Variants in TTYH3 observed in about 807,000 individuals in gnomAD.
TTYH3 encodes the protein tweety family member 3.
In TTYH3, 23 loss-of-function variants were observed where a neutral mutation model predicts 68.2. That is an observed-to-expected ratio of 0.34 (90% CI 0.24 to 0.48). The LOEUF (loss-of-function observed/expected upper bound fraction) is 0.48, where lower values mean the gene tolerates loss of function less well. Among genes scored for constraint, TTYH3 ranks in the 20% least tolerant of loss-of-function variants. TTYH3 has a pLI of 0.99. For synonymous variants in TTYH3, 360 were observed against 332.8 expected, an observed-to-expected ratio of 1.08 and a Z score of -0.89; for missense variants, 768 against 727.7, an observed-to-expected ratio of 1.06 and a Z score of -0.64.
Position 2,647,023 on chromosome 7 carries a change from GT to G in TTYH3, c.293+2del, listed in dbSNP as rs1786006516. ...TCATCATCGCCACGCTGGTGTGCAG[GT>G]GAGCGCGGTGGGGCGGGGACGGAGG... On this transcript the variant is annotated splice_donor_variant, in intron 2 of 13. Transcript: ENST00000258796. LOFTEE classifies it high-confidence loss of function. 6.4e-7 allele frequency: 1 copy of G among 1,554,756 alleles called. No homozygotes were observed. The highest frequency in any genetic ancestry group is 8.7e-7 in the Non-Finnish European group (1 of 1,154,130).
At chr7:2,643,045 A>C (rs1260552287) in intron 1 of TTYH3, among the ~76,000 whole-genome samples, 1 of 146,888 alleles carries the variant, frequency 6.8e-6, no homozygotes, top group Non-Finnish European at 1.5e-5. Context: ...CTTGGGCATC[A>C]CCAGTGAAAT....
rs1225746261 is a variant in TTYH3, at chr7:2,653,022, CG to C, written c.1020+16del. ...AGCCGGCCACTAAGGTGAGGGGCTG[CG>C]GGGTAGGCACTGGGGCAGGCAGGGC... On this transcript the variant is annotated intron_variant, in intron 9 of 13. Transcript: ENST00000258796. 2.2e-5 allele frequency: 35 copies of C among 1,559,676 alleles called. No individual in the cohort carries two copies. The highest frequency in any genetic ancestry group is 2.9e-5 in the Non-Finnish European group (33 of 1,150,488).
rs780306371 is a variant in TTYH3 at position 2,647,545 on chromosome 7, T to C, written c.533T>C (p.Leu178Pro). 1.3e-6 allele frequency: 2 copies of C among 1,556,210 alleles called. No homozygotes were observed. Among genetic ancestry groups the C allele is most frequent in the South Asian group, 1.2e-5 (1 of 84,394 alleles). ...AGGCTGCAGGGCCTGCTGGAGACGC[T>C]GCTGGGCTACACGGCCGCCATCCCC... is the stretch of plus-strand genomic sequence containing the variant. ...VQRLQGLLETLLGYTAAIPFW... is the reference protein window; with the variant it reads ...VQRLQGLLETPLGYTAAIPFW... Residue 178 changes from leucine (L) to proline (P), a missense_variant, in exon 4 of 14, where the codon CTG becomes CCG. Transcript: ENST00000258796.
chr7:2,658,254 C>T (rs752048983), intron 11 of TTYH3, 32 bp from the exon 12 acceptor site: 3 of 1,503,130 alleles, frequency 2.0e-6, no homozygotes, highest in African/African-American at 1.4e-5. Context: ...CCTGCTGGGG[C>T]CTGAGCCCGT....
chr7:2,633,422 C>T (rs977477343), intron 1 of TTYH3, among the ~76,000 whole-genome samples: 2 of 152,150 alleles, frequency 1.3e-5, no homozygotes, highest in Non-Finnish European at 1.5e-5. Flanking sequence ...CCCAGCCTCG[C>T]GCTCACTTGC....
intron 13 of TTYH3, among the ~76,000 whole-genome samples, chr7:2,659,442 T>C (rs1012856729): frequency 6.6e-6 from 1 of 152,218 alleles, no homozygotes; most frequent in Admixed American, 6.5e-5. Context: ...CTTCTGGACC[T>C]GTGGGGTGCC....
chr7:2,662,815 C>G lies in TTYH3; in HGVS notation c.*1076C>G, dbSNP rs551872744. ...CCCAAGTCCGGGCTGGAGCCGAGGC[C>G]GGAGCAGCTGTCTGGGAGTCAAGGC... On this transcript the variant is annotated 3_prime_UTR_variant, in exon 14 of 14. Coordinates refer to ENST00000258796, the MANE Select transcript of TTYH3 (RefSeq NM_025250.3). The G allele has an allele frequency of 6.5e-6, 1 of 153,096 alleles. No homozygotes were observed. The highest frequency in any genetic ancestry group is 1.9e-4 in the East Asian group (1 of 5,252). The allele number at this position is 153,096 out of a possible 1,614,324, so 9.5% of individuals were successfully genotyped here. A position where few individuals can be genotyped will look rare whatever the true frequency, so the allele number is the denominator to read the frequency against.
chr7:2,636,230 T>G (rs1363296062), intron 1 of TTYH3, among the ~76,000 whole-genome samples: 1 of 152,216 alleles, frequency 6.6e-6, no homozygotes, highest in Non-Finnish European at 1.5e-5. Context: ...TGGCCTGTTA[T>G]CATCCTCCCC....
At chr7:2,656,591 A>G (rs1786343155) in intron 11 of TTYH3, 57 bp downstream of exon 11, 1 of 1,560,162 alleles carries the variant, frequency 6.4e-7, no homozygotes. Flanking sequence ...CATGCGGGAC[A>G]CTTCAGGGGC....
chr7:2,640,773 G>A (rs374869414), intron 1 of TTYH3, among the ~76,000 whole-genome samples: 30 of 117,552 alleles, frequency 2.6e-4, no homozygotes, highest in African/African-American at 6.4e-4. Context: ...GCTCGTGCAC[G>A]TCGTCTGCTC....
chr7:2,640,980 T>G (rs1275655854), intron 1 of TTYH3, among the ~76,000 whole-genome samples: 1 of 152,134 alleles, frequency 6.6e-6, no homozygotes, highest in East Asian at 1.9e-4. Context: ...TCTAATATCC[T>G]GGGGACATCC....
intron 11 of TTYH3, among the ~76,000 whole-genome samples, chr7:2,657,940 C>T: frequency 6.6e-6 from 1 of 152,304 alleles, no homozygotes; most frequent in East Asian, 1.9e-4. Context: ...CCAAGAGGCA[C>T]CCCAGCCTCC....
intron 13 of TTYH3, chr7:2,660,220 G>A (rs900281624): frequency 1.4e-4 from 138 of 985,314 alleles, no homozygotes; most frequent in Non-Finnish European, 1.7e-4. Context: ...CCGGCTCTGG[G>A]CCCGCCAGCC....
intron 5 of TTYH3, among the ~76,000 whole-genome samples, chr7:2,648,919 G>A (rs541951058): frequency 5.3e-4 from 79 of 150,012 alleles, no homozygotes; most frequent in African/African-American, 1.9e-3. Context: ...GTGGGGTGTG[G>A]GGCCCGCAGT....
At chr7:2,660,270 G>C in intron 13 of TTYH3, 1 of 985,356 alleles carries the variant, frequency 1.0e-6, no homozygotes, top group Non-Finnish European at 1.2e-6. Context: ...GGCTCCCCCT[G>C]CCCAGTTGCT....
chr7:2,656,981 G>A (rs1376265779), intron 11 of TTYH3, among the ~76,000 whole-genome samples: 1 of 152,246 alleles, frequency 6.6e-6, no homozygotes, highest in Non-Finnish European at 1.5e-5. Context: ...GGTAGTCCAG[G>A]TAGCTGTGGC....
chr7:2,655,274 T>C (rs527827606), intron 9 of TTYH3, among the ~76,000 whole-genome samples: 1 of 152,260 alleles, frequency 6.6e-6, no homozygotes, highest in South Asian at 2.1e-4. Flanking sequence ...GCCTCCTGAG[T>C]AGCTGGGACT....
At chr7:2,644,968 C>T (rs946280156) in intron 1 of TTYH3, among the ~76,000 whole-genome samples, 2 of 152,230 alleles carry the variant, frequency 1.3e-5, no homozygotes, top group Non-Finnish European at 2.9e-5. Flanking sequence ...ACCATCTGCC[C>T]CAGCAGCTCC....
intron 1 of TTYH3, among the ~76,000 whole-genome samples, chr7:2,646,067 T>C (rs1033247012): frequency 2.0e-5 from 3 of 151,330 alleles, no homozygotes; most frequent in Non-Finnish European, 4.4e-5. Context: ...CAGGCTGGAG[T>C]GCAGTGGTGC....
Sources: allele counts gnomAD v4.1 joint callset (sites outside exome capture counted in the v4.1 genomes callset), GRCh38; gene constraint gnomAD v4.1.1; transcripts MANE v1.5; gene names NCBI Gene and HGNC (gene_info 2026-07-23, HGNC 2026-07-21).